Variants in LINGO1 observed in about 807,000 individuals in gnomAD.
LINGO1 encodes leucine-rich repeat and immunoglobulin-like domain-containing nogo receptor-interacting protein 1.
In LINGO1, 11 loss-of-function variants were observed where a neutral mutation model predicts 37.3. The observed-to-expected ratio is 0.29, with a 90% CI of 0.19 to 0.49. The LOEUF (loss-of-function observed/expected upper bound fraction) is 0.49. Among genes scored for constraint, LINGO1 ranks in the 20% least tolerant of loss-of-function variants. The pLI is 0.99. For missense variants in LINGO1, 585 were observed against 878.2 expected, an observed-to-expected ratio of 0.67 and a Z score of 4.22; for synonymous variants, 387 against 403.0, an observed-to-expected ratio of 0.96 and a Z score of 0.48.
At chr15:77,685,315 G>C (rs1300304175) in intron 2 of LINGO1, among the ~76,000 whole-genome samples, 2 of 152,144 alleles carry the variant, frequency 1.3e-5, no homozygotes, top group Non-Finnish European at 2.9e-5. Context: ...TTAGCAGTGT[G>C]GCTGTGGCCT....
chr15:77,649,152 G>A (rs2074703174), intron 3 of LINGO1: 1 of 152,236 alleles, frequency 6.6e-6, no homozygotes, highest in South Asian at 2.1e-4. Flanking sequence ...TGTATTGTCT[G>A]CAAACCCAGA....
At chr15:77,810,371 T>C (rs1003045142) in intron 1 of LINGO1, among the ~76,000 whole-genome samples, 4 of 142,750 alleles carry the variant, frequency 2.8e-5, no homozygotes, top group Admixed American at 2.1e-4. Context: ...CAGAGGAATC[T>C]AGGGAGGAGA....
intron 2 of LINGO1, among the ~76,000 whole-genome samples, chr15:77,730,919 G>A (rs1054679305): frequency 3.9e-5 from 6 of 152,210 alleles, no homozygotes; most frequent in Non-Finnish European, 7.4e-5. Flanking sequence ...ACTGCCCACT[G>A]AGAAAAACCA....
intron 3 of LINGO1, chr15:77,641,680 C>T (rs2074509529): frequency 2.7e-6 from 1 of 364,012 alleles, no homozygotes; most frequent in African/African-American, 2.1e-5. Flanking sequence ...CTGACTGGCC[C>T]CACACCCCGT....
chr15:77,713,535 C>T (rs944947837), intron 2 of LINGO1, among the ~76,000 whole-genome samples: 1 of 151,896 alleles, frequency 6.6e-6, no homozygotes, highest in Non-Finnish European at 1.5e-5. Flanking sequence ...GGTGTGCTGG[C>T]ACAGGGAGTC....
intron 3 of LINGO1, among the ~76,000 whole-genome samples, chr15:77,659,561 C>A (rs1282685835): frequency 6.6e-6 from 1 of 152,168 alleles, no homozygotes; most frequent in Non-Finnish European, 1.5e-5. Flanking sequence ...TGCCTGAGAC[C>A]ACACAGCAGT....
At chr15:77,811,131 T>C (rs2077002563) in intron 1 of LINGO1, among the ~76,000 whole-genome samples, 2 of 89,416 alleles carry the variant, frequency 2.2e-5, no homozygotes, top group Non-Finnish European at 4.3e-5. Context: ...CAGGCCAGCC[T>C]TCCCACCACC....
chr15:77,784,687 T>G (rs750484932), intron 1 of LINGO1: 5 of 152,144 alleles, frequency 3.3e-5, no homozygotes, highest in African/African-American at 4.8e-5. Context: ...GAGCTGAGAT[T>G]TTAAAGCCTC....
At chr15:77,708,588 CCAA>C (rs2075881121) in intron 2 of LINGO1, among the ~76,000 whole-genome samples, 1 of 152,164 alleles carries the variant, frequency 6.6e-6, no homozygotes. Flanking sequence ...GGGTCCTGAT[CCAA>C]CGACTGATGT....
intron 1 of LINGO1, among the ~76,000 whole-genome samples, chr15:77,752,732 C>T (rs751629450): frequency 1.8e-4 from 28 of 152,190 alleles, no homozygotes; most frequent in Non-Finnish European, 3.4e-4. Context: ...GGGAATCCCA[C>T]TGTGTCCCTG....
At chr15:77,715,732 C>A (rs919243442) in intron 2 of LINGO1, among the ~76,000 whole-genome samples, 5 of 152,224 alleles carry the variant, frequency 3.3e-5, no homozygotes, top group African/African-American at 1.2e-4. Context: ...ATAAATACCT[C>A]CACCTTGGCC....
intron 1 of LINGO1, among the ~76,000 whole-genome samples, chr15:77,694,700 T>C (rs2075660120): frequency 1.3e-5 from 2 of 152,198 alleles, no homozygotes; most frequent in Admixed American, 1.3e-4. Context: ...CTTAAGTTGG[T>C]CCCTTCAAAT....
At chr15:77,660,151 C>T (rs1015399372) in intron 3 of LINGO1, 1 of 152,210 alleles carries the variant, frequency 6.6e-6, no homozygotes, top group African/African-American at 2.4e-5. Context: ...GTCCCAGCTC[C>T]ACTCACTCTA....
At chr15:77,745,868 T>C (rs1596182777) in intron 1 of LINGO1, among the ~76,000 whole-genome samples, 1 of 151,876 alleles carries the variant, frequency 6.6e-6, no homozygotes, top group African/African-American at 2.4e-5. Context: ...TGGGGTGGGG[T>C]CACCAGATAG....
intron 3 of LINGO1, among the ~76,000 whole-genome samples, chr15:77,647,066 T>G (rs1187576744): frequency 2.5e-5 from 3 of 118,680 alleles, no homozygotes; most frequent in Non-Finnish European, 5.1e-5. Context: ...CTAACGAGTA[T>G]GGAGGTGCGG....
At chr15:77,809,960 T>A (rs2076990214) in intron 1 of LINGO1, among the ~76,000 whole-genome samples, 1 of 151,976 alleles carries the variant, frequency 6.6e-6, no homozygotes, top group Admixed American at 6.6e-5. Flanking sequence ...TCAGGAGGTG[T>A]CCTGATGTCT....
chr15:77,683,778 C>T (rs1013800655), intron 2 of LINGO1, among the ~76,000 whole-genome samples: 26 of 151,702 alleles, frequency 1.7e-4, no homozygotes, highest in African/African-American at 6.1e-4. Flanking sequence ...CTTTACAGGA[C>T]ACACTTCTAT....
intron 2 of LINGO1, among the ~76,000 whole-genome samples, chr15:77,703,381 C>T (rs769887224): frequency 5.9e-5 from 9 of 152,244 alleles, no homozygotes; most frequent in South Asian, 4.2e-4. Flanking sequence ...TCAGTTCCTA[C>T]GAGGGTTTTG....
intron 1 of LINGO1, among the ~76,000 whole-genome samples, chr15:77,815,586 G>T (rs1428100717): frequency 6.6e-6 from 1 of 152,138 alleles, no homozygotes; most frequent in Non-Finnish European, 1.5e-5. Context: ...GCGGCTTACT[G>T]AAGTGCACAC....
Sources: allele counts gnomAD v4.1 joint callset (sites outside exome capture counted in the v4.1 genomes callset), GRCh38; gene constraint gnomAD v4.1.1; transcripts MANE v1.5; gene names NCBI Gene and HGNC (gene_info 2026-07-23, HGNC 2026-07-21).